PDCL2: variants seen among roughly 807,000 people sequenced by gnomAD.
PDCL2 encodes the protein phosducin like 2.
PDCL2 carries 23 observed loss-of-function variants against 30.3 expected under a neutral mutation model. The ratio of observed to expected loss-of-function variants is 0.76; its 90% confidence interval spans 0.55 to 1.08. The LOEUF (loss-of-function observed/expected upper bound fraction) is 1.08. Among genes scored for constraint, PDCL2 ranks in the 50% least tolerant of loss-of-function variants. The pLI is 0.00. For missense variants in PDCL2, 243 were observed against 282.3 expected, an observed-to-expected ratio of 0.86 and a Z score of 1.00; for synonymous variants, 68 against 86.2, an observed-to-expected ratio of 0.79 and a Z score of 1.17.
At chr4:55,567,828 G>A (rs1306163010) in intron 4 of PDCL2, among the ~76,000 whole-genome samples, 1 of 152,048 alleles carries the variant, frequency 6.6e-6, no homozygotes, top group Admixed American at 6.6e-5. Flanking sequence ...AAGGTACTTG[G>A]GTTTAGTCTT....
chr4:55,573,604 A>G (rs1732486433), intron 3 of PDCL2, among the ~76,000 whole-genome samples: 1 of 151,976 alleles, frequency 6.6e-6, no homozygotes. Context: ...TACAAAAATT[A>G]GCCGGGCGTG....
intron 4 of PDCL2, among the ~76,000 whole-genome samples, chr4:55,565,982 T>G (rs1283546438): frequency 7.6e-6 from 1 of 132,306 alleles, no homozygotes; most frequent in South Asian, 2.6e-4. Context: ...TGTTTTTTTT[T>G]TTTTTTTTTT....
intron 1 of PDCL2, 108 bp downstream of exon 1, chr4:55,591,996 T>G: frequency 6.9e-6 from 10 of 1,451,704 alleles, no homozygotes; most frequent in Non-Finnish European, 9.4e-6. Flanking sequence ...GAACAAATGT[T>G]AGAGCCTACC....
intron 1 of PDCL2, among the ~76,000 whole-genome samples, chr4:55,590,592 T>C (rs989229103): frequency 4.6e-5 from 7 of 151,890 alleles, no homozygotes; most frequent in Admixed American, 4.6e-4. Flanking sequence ...GTTCAAGCGA[T>C]TCTCCTGTCT....
At position 55,562,414 on chromosome 4, in the gene PDCL2, G is replaced by T; in HGVS notation, c.561C>A (p.Leu187=). 1 of 1,400,600 alleles carries T rather than the reference G, an allele frequency of 7.1e-7. No homozygotes were observed. Among genetic ancestry groups the T allele is most frequent in the South Asian group, 1.8e-5 (1 of 54,176 alleles). 86.8% of individuals were successfully genotyped at this position (1,400,600 alleles called of 1,614,324 possible). ...IGIIECGGIN[L]KLEELEWKLA... ...AATTTGTAACATTACCTTCCAGCTTGAGATTTATCCCTCCACATTCTATAA... is the reference window on the plus strand; with the variant it reads ...AATTTGTAACATTACCTTCCAGCTTTAGATTTATCCCTCCACATTCTATAA... The change falls in exon 5 of 6, where the codon CTC becomes CTA. Residue 187 remains leucine, a synonymous_variant. Transcript: ENST00000295645.
intron 5 of PDCL2, among the ~76,000 whole-genome samples, chr4:55,557,774 T>G (rs1177222425): frequency 6.6e-6 from 1 of 151,976 alleles, no homozygotes; most frequent in Admixed American, 6.6e-5. Context: ...ACACAATTTA[T>G]ACTGAGGCAC....
chr4:55,558,125 CAAAAAAA>C (rs34621105), intron 5 of PDCL2, among the ~76,000 whole-genome samples: 1 of 122,074 alleles, frequency 8.2e-6, no homozygotes, highest in Admixed American at 8.4e-5. Context: ...GACTCCGTCT[CAAAAAAA>C]AAAAAAAAAG....
chr4:55,577,541 G>A (rs1732603457), intron 3 of PDCL2, among the ~76,000 whole-genome samples: 1 of 152,112 alleles, frequency 6.6e-6, no homozygotes, highest in Admixed American at 6.5e-5. Flanking sequence ...TCATCCTAAA[G>A]CTACTAGGAT....
chr4:55,586,453 G>C (rs1244507102), intron 1 of PDCL2, among the ~76,000 whole-genome samples: 1 of 152,086 alleles, frequency 6.6e-6, no homozygotes, highest in Non-Finnish European at 1.5e-5. Flanking sequence ...TTTGTGACTG[G>C]CTTATTTCGC....
intron 3 of PDCL2, among the ~76,000 whole-genome samples, chr4:55,571,470 G>A (rs552775557): frequency 4.4e-4 from 66 of 150,060 alleles, no homozygotes; most frequent in African/African-American, 1.5e-3. Context: ...GGCAGATCAC[G>A]AGGGCAGGAG....
At chr4:55,590,350 C>T (rs1202676025) in intron 1 of PDCL2, among the ~76,000 whole-genome samples, 1 of 151,004 alleles carries the variant, frequency 6.6e-6, no homozygotes, top group South Asian at 2.1e-4. Context: ...TGGTGGCATG[C>T]ACCTGTAGTC....
intron 3 of PDCL2, among the ~76,000 whole-genome samples, chr4:55,574,074 G>A (rs867408808): frequency 6.6e-6 from 1 of 152,032 alleles, no homozygotes; most frequent in Non-Finnish European, 1.5e-5. Flanking sequence ...TACTTTAAAT[G>A]AGGAATTTGC....
intron 5 of PDCL2, among the ~76,000 whole-genome samples, chr4:55,561,286 G>A (rs1245733591): frequency 6.6e-6 from 1 of 152,032 alleles, no homozygotes; most frequent in African/African-American, 2.4e-5. Flanking sequence ...AACCAGCCAG[G>A]GGCAGAGGCT....
At chr4:55,590,060 G>A (rs1202205608) in intron 1 of PDCL2, among the ~76,000 whole-genome samples, 1 of 151,612 alleles carries the variant, frequency 6.6e-6, no homozygotes, top group Non-Finnish European at 1.5e-5. Flanking sequence ...AGCCAGGCGT[G>A]GTGGTGCACT....
At chr4:55,561,571 A>G (rs1160354902) in intron 5 of PDCL2, among the ~76,000 whole-genome samples, 1 of 152,160 alleles carries the variant, frequency 6.6e-6, no homozygotes, top group African/African-American at 2.4e-5. Flanking sequence ...CTCAAAAACA[A>G]ACAAACAAAC....
Position 55,580,918 on chromosome 4 carries a change from C to T in PDCL2, c.128-7G>A. On this transcript the variant is annotated splice_region_variant and splice_polypyrimidine_tract_variant and intron_variant, in intron 2 of 5. Coordinates refer to ENST00000295645, the MANE Select transcript of PDCL2 (RefSeq NM_152401.3). ...ATCTTTTCAAATGGTTTCACTAAAACAACATAAATTATAGATTATCAAATT... is the reference window on the plus strand; with the variant it reads ...ATCTTTTCAAATGGTTTCACTAAAATAACATAAATTATAGATTATCAAATT... 1 of 1,578,840 alleles carries T rather than the reference C, an allele frequency of 6.3e-7. No homozygotes were observed. Among genetic ancestry groups the T allele is most frequent in the Non-Finnish European group, 8.6e-7 (1 of 1,167,266 alleles).
chr4:55,557,726 C>G (rs1732006175), intron 5 of PDCL2, among the ~76,000 whole-genome samples: 1 of 152,010 alleles, frequency 6.6e-6, no homozygotes, highest in South Asian at 2.1e-4. Context: ...CTCAAAGGTC[C>G]AGAGTCTCAT....
intron 1 of PDCL2, among the ~76,000 whole-genome samples, chr4:55,590,221 A>AG (rs1560506902): frequency 1.4e-5 from 2 of 145,468 alleles, no homozygotes; most frequent in East Asian, 4.2e-4. Flanking sequence ...AAAAAAAAAA[A>AG]GAGTAAGGTT....
At chr4:55,580,727 T>C in intron 3 of PDCL2, 94 bp downstream of exon 3, 2 of 910,208 alleles carry the variant, frequency 2.2e-6, no homozygotes, top group East Asian at 3.1e-5. Flanking sequence ...GTTTTGTTCT[T>C]TGTAAAATCT....
Sources: allele counts gnomAD v4.1 joint callset (sites outside exome capture counted in the v4.1 genomes callset), GRCh38; gene constraint gnomAD v4.1.1; transcripts MANE v1.5; gene names NCBI Gene and HGNC (gene_info 2026-07-23, HGNC 2026-07-21).